ENPP1: variants seen among roughly 807,000 people sequenced by gnomAD.
The protein encoded by ENPP1 is ectonucleotide pyrophosphatase/phosphodiesterase 1.
ENPP1 carries 73 observed loss-of-function variants against 122.8 expected under a neutral mutation model. The observed-to-expected ratio is 0.59, with a 90% CI of 0.49 to 0.72. ENPP1 has a LOEUF of 0.72. ENPP1 is among the 30% of genes least tolerant of loss of function. The pLI, the probability that ENPP1 is intolerant of heterozygous loss-of-function variation, is 0.00. For synonymous variants in ENPP1, 367 were observed against 391.6 expected (o/e 0.94, Z 0.74); for missense variants, 978 against 1,128.1 (o/e 0.87, Z 1.91).
At chr6:131,854,062 T>A (rs1399869403) in intron 5 of ENPP1, among the ~76,000 whole-genome samples, 1 of 152,184 alleles carries the variant, frequency 6.6e-6, no homozygotes, top group African/African-American at 2.4e-5. Flanking sequence ...TCTCTCAAAC[T>A]TTTGTATTAA....
chr6:131,836,581 A>G (rs1387317848), intron 1 of ENPP1, among the ~76,000 whole-genome samples: 1 of 152,222 alleles, frequency 6.6e-6, no homozygotes, highest in African/African-American at 2.4e-5. Flanking sequence ...ACCAAATAAT[A>G]GAAGAACTTG....
chr6:131,869,434 C>T lies in ENPP1; in HGVS notation c.1350C>T (p.Ile450=). ...GGGATGTTAAAAATATTAAAGTTAT[C>T]TATGGACCTGCAGCTCGATTGAGAC... The part of the protein sequence containing the change: ...YLGDVKNIKV[I]YGPAARLRPS... Residue 450 remains isoleucine (I), a synonymous_variant, in exon 13 of 25, where the codon ATC becomes ATT. Transcript: ENST00000647893. 2 of 1,612,890 alleles carry T rather than the reference C, an allele frequency of 1.2e-6. No individual in the cohort carries two copies. The highest frequency in any genetic ancestry group is 1.7e-6 in the Non-Finnish European group (2 of 1,179,108).
At chr6:131,855,870 C>A (rs754747691) in intron 6 of ENPP1, among the ~76,000 whole-genome samples, 16 of 151,250 alleles carry the variant, frequency 1.1e-4, no homozygotes. Flanking sequence ...TTTTAAATCA[C>A]GTTAACAACC....
At chr6:131,882,539 C>G in intron 21 of ENPP1, 65 bp downstream of exon 21, 1 of 1,170,780 alleles carries the variant, frequency 8.5e-7, no homozygotes, top group Non-Finnish European at 1.2e-6. Flanking sequence ...TTTATAAATC[C>G]TACCATACAT....
chr6:131,888,569 G>A (rs181513587), intron 24 of ENPP1, among the ~76,000 whole-genome samples: 30 of 152,196 alleles, frequency 2.0e-4, no homozygotes, highest in African/African-American at 3.1e-4. Context: ...TCTATATATC[G>A]TTAAAATTCA....
At chr6:131,857,663 G>A (rs1338673912) in intron 6 of ENPP1, among the ~76,000 whole-genome samples, 1 of 151,998 alleles carries the variant, frequency 6.6e-6, no homozygotes, top group Non-Finnish European at 1.5e-5. Context: ...GGTGGGGTGA[G>A]GGGGGAGCGA....
rs1208593622 is a variant in ENPP1, at chr6:131,886,497, TG to T, written c.2445-64del. 8.2e-6 allele frequency: 10 copies of T among 1,225,354 alleles called. No individual in the cohort carries two copies. The Middle Eastern group carries it at 1.5e-3, about 188-fold the overall frequency. The allele number at this position is 1,225,354 out of a possible 1,614,324, so 75.9% of individuals were successfully genotyped here. On this transcript the variant is annotated intron_variant, in intron 23 of 24. Transcript: ENST00000647893. ...TATATGTATTAAAAGCATGCTCTAC[TG>T]AAATATTCATCAAAAGGAAGATAGT...
In ENPP1 at chr6:131,869,214, G is replaced by A. The variant is rs766290377; in HGVS notation, c.1274-144G>A. 1.9e-5 allele frequency: 15 copies of A among 774,406 alleles called. No homozygotes were observed. The South Asian group carries it at 2.0e-4, about 11-fold the overall frequency. 48.0% of individuals were successfully genotyped at this position (774,406 alleles called of 1,614,324 possible). ...AAGTGATAGGTACAGCTGAAATTCT[G>A]TCTTACCTATCAGATCTTCAACTAA... On this transcript the variant is annotated intron_variant, in intron 12 of 24. Coordinates refer to ENST00000647893, the MANE Select transcript of ENPP1 (RefSeq NM_006208.3).
intron 1 of ENPP1, chr6:131,825,997 C>T: frequency 1.5e-6 from 1 of 670,908 alleles, no homozygotes; most frequent in East Asian, 2.5e-5. Flanking sequence ...TTTGTCTAAG[C>T]ACGTCTGTAA....
intron 1 of ENPP1, among the ~76,000 whole-genome samples, chr6:131,842,528 A>C (rs781017083): frequency 5.9e-5 from 9 of 152,078 alleles, no homozygotes; most frequent in Non-Finnish European, 1.2e-4. Context: ...AATACATTGC[A>C]TCTTGCAGAT....
In ENPP1 at chr6:131,847,667, C is replaced by G; in HGVS notation, c.241-109C>G. On this transcript the variant is annotated intron_variant, in intron 1 of 24. Coordinates refer to ENST00000647893, the MANE Select transcript of ENPP1 (RefSeq NM_006208.3). Reference sequence around the variant, plus strand: ...GTTACAGTGAACTATGATCATGCCACTGTACCCTAGCCTGGGTAACAGAGT... The same window carrying G: ...GTTACAGTGAACTATGATCATGCCAGTGTACCCTAGCCTGGGTAACAGAGT... The G allele has an allele frequency of 8.1e-6, 6 of 743,024 alleles. No homozygotes were observed. The Admixed American group carries it at 9.3e-5, about 12-fold the overall frequency. The allele number at this position is 743,024 out of a possible 1,614,324, so 46.0% of individuals were successfully genotyped here. A position where few individuals can be genotyped will look rare whatever the true frequency, so the allele number is the denominator to read the frequency against.
chr6:131,810,758 G>T (rs1396494510), intron 1 of ENPP1, among the ~76,000 whole-genome samples: 5 of 152,154 alleles, frequency 3.3e-5, no homozygotes, highest in African/African-American at 1.2e-4. Context: ...CAATCATGTT[G>T]CAGTGGCAAT....
intron 8 of ENPP1, 40 bp downstream of exon 8, chr6:131,860,546 T>C (rs200180915): frequency 1.4e-6 from 2 of 1,457,846 alleles, no homozygotes. Context: ...TTAATTATTC[T>C]CATCTATTTC....
At chr6:131,865,656 T>A (rs1328860508) in intron 11 of ENPP1, among the ~76,000 whole-genome samples, 1 of 152,210 alleles carries the variant, frequency 6.6e-6, no homozygotes, top group Non-Finnish European at 1.5e-5. Flanking sequence ...CAATTACTTT[T>A]GCACCAACCT....
chr6:131,821,267 A>G (rs1562509898), intron 1 of ENPP1, among the ~76,000 whole-genome samples: 2 of 152,230 alleles, frequency 1.3e-5, no homozygotes, highest in Admixed American at 6.5e-5. Context: ...GACAGCACAG[A>G]AGGCACCACA....
chr6:131,866,184 C>T (rs1043978388), intron 11 of ENPP1, among the ~76,000 whole-genome samples: 3 of 152,066 alleles, frequency 2.0e-5, no homozygotes, highest in Admixed American at 1.3e-4. Flanking sequence ...CTGTCAGAAT[C>T]CTTGTGTAGT....
At chr6:131,886,261 G>A (rs1195207871) in intron 23 of ENPP1, among the ~76,000 whole-genome samples, 1 of 152,112 alleles carries the variant, frequency 6.6e-6, no homozygotes, top group African/African-American at 2.4e-5. Flanking sequence ...GTTCAAAAAT[G>A]ACATTTTCTT....
At chr6:131,851,394 A>AT (rs1442973855) in intron 4 of ENPP1, 127 bp downstream of exon 4, 2 of 1,222,996 alleles carry the variant, frequency 1.6e-6, no homozygotes, top group Non-Finnish European at 2.3e-6. Context: ...GAAAAAAATA[A>AT]TTTTAAAACT....
intron 24 of ENPP1, among the ~76,000 whole-genome samples, chr6:131,887,402 T>G (rs538691506): frequency 2.9e-4 from 44 of 151,900 alleles, no homozygotes; most frequent in Non-Finnish European, 3.2e-4. Flanking sequence ...CAATTTTTTT[T>G]TTTTTTTTGA....
Sources: gnomAD v4.1 joint callset for allele counts (sites outside exome capture counted in the v4.1 genomes callset) on GRCh38, gnomAD v4.1.1 for gene constraint, MANE v1.5 for transcripts, NCBI Gene and HGNC (gene_info 2026-07-23, HGNC 2026-07-21) for gene names.